POLD4: variants seen among roughly 807,000 people sequenced by gnomAD.
POLD4 encodes the protein DNA polymerase delta 4, accessory subunit, also known as DNA polymerase delta subunit 4.
A neutral mutation model predicts 16.5 loss-of-function variants in POLD4; 9 were observed. That is an observed-to-expected ratio of 0.55 (90% CI 0.33 to 0.95). POLD4 has a LOEUF of 0.95. Ranked by LOEUF, POLD4 falls within the 40% of genes least tolerant of loss-of-function variation. The pLI is 0.03. For missense variants in POLD4, 129 were observed against 139.7 expected, an observed-to-expected ratio of 0.92 and a Z score of 0.39; for synonymous variants, 62 against 57.6, an observed-to-expected ratio of 1.08 and a Z score of -0.35.
In POLD4 at chr11:67,352,748, G is replaced by A; in HGVS notation, c.242C>T (p.Pro81Leu). 6.2e-7 allele frequency: 1 copy of A among 1,613,386 alleles called. No homozygotes were observed. Among genetic ancestry groups the A allele is most frequent in the South Asian group, 1.1e-5 (1 of 90,982 alleles). ...CTTCAGCACCTGCCACACCTCTGGG[G>A]GAGGCTCCAAGCCCATCTGCTTGGC... ...CRAKQMGLEP[P>L]PEVWQVLKTH... The change falls in exon 3 of 4, where the codon CCC becomes CTC. Residue 81 changes from proline to leucine, a missense_variant. Coordinates refer to ENST00000312419, the MANE Select transcript of POLD4 (RefSeq NM_021173.5).
chr11:67,352,037 G>C lies in POLD4; in HGVS notation c.300-18C>G. ...GCCAGAGACTGTGGAAGATGGGGTGGGAGGGAGGGATACCCCAGAGAGAGA... is the reference window on the plus strand; with the variant it reads ...GCCAGAGACTGTGGAAGATGGGGTGCGAGGGAGGGATACCCCAGAGAGAGA... On this transcript the variant is annotated intron_variant, in intron 3 of 3. Transcript: ENST00000312419. 1 of 1,383,214 alleles carries C rather than the reference G, an allele frequency of 7.2e-7. No homozygotes were observed. Among genetic ancestry groups the C allele is most frequent in the Non-Finnish European group, 1.0e-6 (1 of 985,884 alleles). 85.7% of individuals were successfully genotyped at this position (1,383,214 alleles called of 1,614,324 possible). A position where few individuals can be genotyped will look rare whatever the true frequency, so the allele number is the denominator to read the frequency against.
chr11:67,353,382 G>A lies in POLD4; in HGVS notation c.18C>T (p.Leu6=). ...TCACAACCGGGTAGGAATCAGTGAT[G>A]AGCCGCTTCCGGCCCATGGCGGCCA... MGRKR[L]ITDSYPVVKR... Residue 6 remains leucine, a synonymous_variant, in exon 1 of 4, where the codon CTC becomes CTT. Coordinates refer to ENST00000312419, the MANE Select transcript of POLD4 (RefSeq NM_021173.5). 1.2e-6 allele frequency: 2 copies of A among 1,611,896 alleles called. No homozygotes were observed. The highest frequency in any genetic ancestry group is 3.3e-4 in the Middle Eastern group (2 of 6,060).
chr11:67,353,354 TC>T lies in POLD4; in HGVS notation c.45del (p.Arg16GlyfsTer17). The stretch of plus-strand genomic sequence containing the variant: ...CTGTGCCCAGCGGGCCCCTCCCTCC[TC>T]TTCACAACCGGGTAGGAATCAGTGA... Reference protein sequence around the residue: ...RLITDSYPVVKRREGPAGHSK... With the variant: ...RLITDSYPVVXRREGPAGHSK... On this transcript the variant is annotated frameshift_variant, in exon 1 of 4. Transcript: ENST00000312419. LOFTEE classifies it high-confidence loss of function. 6.2e-7 allele frequency: 1 copy of T among 1,612,442 alleles called. No individual in the cohort carries two copies. Among genetic ancestry groups the T allele is most frequent in the Non-Finnish European group, 8.5e-7 (1 of 1,179,998 alleles).
At position 67,351,917 on chromosome 11, in the gene POLD4, C is replaced by T; in HGVS notation, c.*78G>A. 6.8e-7 allele frequency: 1 copy of T among 1,480,882 alleles called. No individual in the cohort carries two copies. The highest frequency in any genetic ancestry group is 9.3e-7 in the Non-Finnish European group (1 of 1,079,964). 91.7% of individuals were successfully genotyped at this position (1,480,882 alleles called of 1,614,324 possible). ...GCAGCCGGGCTGAGCTGAGCAGGAG[C>T]AATGGGCTCTCGCTTCTGTCCTGAG... On this transcript the variant is annotated 3_prime_UTR_variant, in exon 4 of 4. Coordinates refer to ENST00000312419, the MANE Select transcript of POLD4 (RefSeq NM_021173.5). The surrounding 1 kb of genome is among the most constrained non-coding windows in gnomAD (Gnocchi z 4.8).
intron 3 of POLD4, 22 bp downstream of exon 3, chr11:67,352,669 G>C: frequency 1.9e-6 from 3 of 1,594,586 alleles, no homozygotes; most frequent in Non-Finnish European, 2.6e-6. Flanking sequence ...TCCCCTGAAA[G>C]CCCTCCCGGC....
intron 3 of POLD4, chr11:67,352,443 G>A (rs1368185998): frequency 6.9e-6 from 3 of 437,278 alleles, no homozygotes; most frequent in East Asian, 4.1e-5. Flanking sequence ...CCGAGAGGCG[G>A]AGTTTGCAGT....
At chr11:67,352,933 A>G in intron 2 of POLD4, 55 bp downstream of exon 2, 1 of 1,473,092 alleles carries the variant, frequency 6.8e-7, no homozygotes, top group Admixed American at 2.1e-5. Context: ...GACTTCAGAG[A>G]CGTGTGGGTG....
At chr11:67,352,326 C>T (rs1477265970) in intron 3 of POLD4, 6 of 348,424 alleles carry the variant, frequency 1.7e-5, no homozygotes, top group Admixed American at 8.7e-5. Context: ...CTGGCTAACA[C>T]GGTGAAACCC....
upstream of POLD4, chr11:67,353,582 AC>A (rs1861928243): frequency 5.1e-6 from 3 of 584,398 alleles, no homozygotes; most frequent in African/African-American, 1.9e-5. Context: ...CGCCTCCCCC[AC>A]CCCCAAAAGC....
At position 67,353,508 on chromosome 11, in the gene POLD4, G is replaced by T; in HGVS notation, c.-109C>A. 1.1e-6 allele frequency: 1 copy of T among 937,496 alleles called. No individual in the cohort carries two copies. Among genetic ancestry groups the T allele is most frequent in the Non-Finnish European group, 1.6e-6 (1 of 631,914 alleles). 58.1% of individuals were successfully genotyped at this position (937,496 alleles called of 1,614,324 possible). On this transcript the variant is annotated 5_prime_UTR_variant, in exon 1 of 4. It adds an upstream start codon to the 5' untranslated region. Coordinates refer to ENST00000312419, the MANE Select transcript of POLD4 (RefSeq NM_021173.5). The stretch of plus-strand genomic sequence containing the variant: ...GAGAGAGACAGACGGGGCCAGGCCA[G>T]CGGCGGGCAGACAAGATGACCCAGA...
intron 2 of POLD4, 69 bp from the exon 3 acceptor site, chr11:67,352,871 T>G (rs1365834762): frequency 3.7e-6 from 5 of 1,350,846 alleles, no homozygotes; most frequent in Non-Finnish European, 5.1e-6. Flanking sequence ...GGAGAATGTG[T>G]GTGTTGGGGG....
intron 3 of POLD4, 73 bp downstream of exon 3, chr11:67,352,618 G>T: frequency 8.5e-7 from 1 of 1,181,058 alleles, no homozygotes; most frequent in Admixed American, 1.9e-5. Flanking sequence ...TCTCCCTCAG[G>T]TCAGGACAGC....
In POLD4 at chr11:67,351,642, G is replaced by T. The variant is rs1861870271; in HGVS notation, c.*353C>A. ...CTCTCAGATTCCTGGCCTTAGGTGG[G>T]AGAGCATCTTTTCCTCATGGATCAA... On this transcript the variant is annotated 3_prime_UTR_variant, in exon 4 of 4. Transcript: ENST00000312419. This position sits in a 1 kb window ranked among gnomAD's most constrained non-coding sequence, Gnocchi z 4.8. 1.6e-5 allele frequency: 4 copies of T among 250,106 alleles called. No individual in the cohort carries two copies. In the South Asian group the frequency reaches 2.6e-4, roughly 16 times the overall value. 15.5% of individuals were successfully genotyped at this position (250,106 alleles called of 1,614,324 possible). A position where few individuals can be genotyped will look rare whatever the true frequency, so the allele number is the denominator to read the frequency against.
chr11:67,353,198 G>A, intron 1 of POLD4, 105 bp downstream of exon 1: 1 of 1,515,842 alleles, frequency 6.6e-7, no homozygotes, highest in Non-Finnish European at 9.0e-7. Context: ...GTCGGGAGGG[G>A]AGGACAGGCC....
chr11:67,352,752 G>A lies in POLD4; in HGVS notation c.238C>T (p.Pro80Ser), dbSNP rs1197697493. 5 of 1,612,858 alleles carry A rather than the reference G, an allele frequency of 3.1e-6. No individual in the cohort carries two copies. The highest frequency in any genetic ancestry group is 4.2e-6 in the Non-Finnish European group (5 of 1,179,596). Residue 80 changes from proline to serine, a missense_variant, in exon 3 of 4, where the codon CCT becomes TCT. By Grantham distance (74) the Pro-to-Ser change is moderately conservative. Coordinates refer to ENST00000312419, the MANE Select transcript of POLD4 (RefSeq NM_021173.5). ...AGCACCTGCCACACCTCTGGGGGAG[G>A]CTCCAAGCCCATCTGCTTGGCCCGA... ...WCRAKQMGLE[P>S]PPEVWQVLKT...
At position 67,352,747 on chromosome 11, in the gene POLD4, G is replaced by C. The variant is rs375234486; in HGVS notation, c.243C>G (p.Pro81=). Reference sequence around the variant, plus strand: ...TCTTCAGCACCTGCCACACCTCTGGGGGAGGCTCCAAGCCCATCTGCTTGG... The same window carrying C: ...TCTTCAGCACCTGCCACACCTCTGGCGGAGGCTCCAAGCCCATCTGCTTGG... ...CRAKQMGLEP[P]PEVWQVLKTH... Residue 81 remains proline, a synonymous_variant, in exon 3 of 4, where the codon CCC becomes CCG. Coordinates refer to ENST00000312419, the MANE Select transcript of POLD4 (RefSeq NM_021173.5). 7.7e-5 allele frequency: 124 copies of C among 1,613,302 alleles called. 3 individuals are homozygous for C. Among genetic ancestry groups the C allele is most frequent in the East Asian group, 7.6e-4 (34 of 44,868 alleles).
At position 67,353,059 on chromosome 11, in the gene POLD4, C is replaced by G. The variant is rs28364240; in HGVS notation, c.116G>C (p.Arg39Pro). The G allele has an allele frequency of 0.012, 19,721 of 1,587,932 alleles. 2,583 individuals carry two copies. The Admixed American group carries it at 0.27, about 22-fold the overall frequency. The stretch of plus-strand genomic sequence containing the variant: ...CTCCAGCTCCGCTTCCTCCTCGTCG[C>G]GGGGCTGGGGCTCCTCCCCTGCAAT... Reference protein sequence around the residue: ...APELGEEPQPRDEEEAELELL... With the variant: ...APELGEEPQPPDEEEAELELL... Residue 39 changes from arginine to proline, a missense_variant, in exon 2 of 4, where the codon CGC becomes CCC. Arg to Pro is a moderately radical substitution (Grantham distance 103). Coordinates refer to ENST00000312419, the MANE Select transcript of POLD4 (RefSeq NM_021173.5).
chr11:67,352,090 A>G (rs1861880493), intron 3 of POLD4, 71 bp from the exon 4 acceptor site: 2 of 1,271,388 alleles, frequency 1.6e-6, no homozygotes, highest in African/African-American at 1.5e-5. Flanking sequence ...TCAGTTGTTG[A>G]GTCCCTGGAT....
At position 67,351,884 on chromosome 11, in the gene POLD4, G is replaced by A. The variant is rs1861874518; in HGVS notation, c.*111C>T. ...CACCTCCAGGTTCTGCCTGCCAAGGGTTCCTCCGCAGCCGGGCTGAGCTGA... is the reference window on the plus strand; with the variant it reads ...CACCTCCAGGTTCTGCCTGCCAAGGATTCCTCCGCAGCCGGGCTGAGCTGA... On this transcript the variant is annotated 3_prime_UTR_variant, in exon 4 of 4. Coordinates refer to ENST00000312419, the MANE Select transcript of POLD4 (RefSeq NM_021173.5). This position sits in a 1 kb window ranked among gnomAD's most constrained non-coding sequence, Gnocchi z 4.8. The A allele has an allele frequency of 3.3e-6, 4 of 1,221,630 alleles. No individual in the cohort carries two copies. The Admixed American group carries it at 8.3e-5, about 25-fold the overall frequency. The allele number at this position is 1,221,630 out of a possible 1,614,324, so 75.7% of individuals were successfully genotyped here.
Sources: gnomAD v4.1 joint callset for allele counts on GRCh38, gnomAD v4.1.1 for gene constraint, Gnocchi (gnomAD v3.1) non-coding constraint, MANE v1.5 for transcripts, NCBI Gene and HGNC (gene_info 2026-07-23, HGNC 2026-07-21) for gene names.